The following NKD1 variants were observed in gnomAD, a reference collection of about 807,000 sequenced individuals.
The protein encoded by NKD1 is NKD inhibitor of Wnt signaling pathway 1.
Under a neutral mutation model 56.0 loss-of-function variants are expected in NKD1, and 21 were observed. The observed-to-expected ratio is 0.38, with a 90% CI of 0.27 to 0.54. NKD1 has a LOEUF of 0.54. NKD1 is among the 20% of genes least tolerant of loss of function. The probability of loss-of-function intolerance (pLI) is 0.82; values close to 1 mark genes in which losing one functional copy is unlikely to be tolerated. For synonymous variants in NKD1, 263 were observed against 265.7 expected (o/e 0.99, Z 0.10); for missense variants, 578 against 642.7 (o/e 0.90, Z 1.09).
chr16:50,618,617 A>G (rs1962016255), intron 4 of NKD1, among the ~76,000 whole-genome samples: 1 of 152,202 alleles, frequency 6.6e-6, no homozygotes, highest in Non-Finnish European at 1.5e-5. Flanking sequence ...TGGTTAGGGG[A>G]CAATAAGAGG....
intron 4 of NKD1, among the ~76,000 whole-genome samples, chr16:50,615,322 G>A (rs1449239477): frequency 6.6e-6 from 1 of 152,216 alleles, no homozygotes; most frequent in African/African-American, 2.4e-5. Flanking sequence ...CCTATAGTGT[G>A]ATAGACACTG....
chr16:50,566,502 C>T lies in NKD1; in HGVS notation c.192+16947C>T, dbSNP rs190778275. Among the ~76,000 whole-genome samples, 29 of 152,352 alleles carry T rather than the reference C, an allele frequency of 1.9e-4. No homozygotes were observed. In the East Asian group the frequency reaches 2.9e-3, roughly 15 times the overall value. On this transcript the variant is annotated intron_variant, in intron 3 of 9. Transcript: ENST00000268459. ...CTGTGCCTCTGACAGTCCTGGGTCA[C>T]ATGCCTGTCCTGGAGTGGAGGCTGG...
chr16:50,566,745 G>A (rs1960766923), intron 3 of NKD1, among the ~76,000 whole-genome samples: 1 of 152,200 alleles, frequency 6.6e-6, no homozygotes, highest in Non-Finnish European at 1.5e-5. Context: ...CATTGCCATT[G>A]GATCTTGGAA....
intron 3 of NKD1, chr16:50,574,507 G>T: frequency 1.0e-6 from 1 of 985,448 alleles, no homozygotes; most frequent in Non-Finnish European, 1.2e-6. Context: ...TCCTCCTGCT[G>T]CTGGTGGCCG....
In NKD1 at chr16:50,633,243, C is replaced by G. The variant is rs1783893497; in HGVS notation, c.875C>G (p.Pro292Arg). The G allele has an allele frequency of 6.2e-7, 1 of 1,613,898 alleles. No homozygotes were observed. The highest frequency in any genetic ancestry group is 1.7e-4 in the Middle Eastern group (1 of 6,060). Residue 292 changes from proline (P) to arginine (R), a missense_variant, in exon 10 of 10, where the codon CCC (proline) becomes CGC (arginine). Coordinates refer to ENST00000268459, the MANE Select transcript of NKD1 (RefSeq NM_033119.5). This position sits in a 1 kb window ranked among gnomAD's most constrained non-coding sequence, Gnocchi z 4.9. ...GAACTGCCCCCCCGCACCTCCAATC[C>G]CACTCGATCTCGCTCCCATGAGCCG... ...KSELPPRTSNPTRSRSHEPEA... is the reference protein window; with the variant it reads ...KSELPPRTSNRTRSRSHEPEA...
chr16:50,609,837 G>A (rs2097749380), intron 4 of NKD1, among the ~76,000 whole-genome samples: 1 of 152,210 alleles, frequency 6.6e-6, no homozygotes, highest in Non-Finnish European at 1.5e-5. Flanking sequence ...GGAGTCCCAT[G>A]AACAGAAAGC....
chr16:50,564,126 C>T (rs1450539177), intron 3 of NKD1, among the ~76,000 whole-genome samples: 2 of 152,268 alleles, frequency 1.3e-5, no homozygotes, highest in African/African-American at 4.8e-5. Context: ...TGTCCAGAGC[C>T]CCCTTCCTTG....
intron 4 of NKD1, among the ~76,000 whole-genome samples, chr16:50,613,292 A>C (rs757695250): frequency 3.3e-5 from 5 of 152,080 alleles, no homozygotes; most frequent in African/African-American, 4.8e-5. Context: ...ACAGAGAGAG[A>C]GAGCGAGTCA....
At chr16:50,567,558 G>A (rs1169288526) in intron 3 of NKD1, among the ~76,000 whole-genome samples, 1 of 152,208 alleles carries the variant, frequency 6.6e-6, no homozygotes, top group Non-Finnish European at 1.5e-5. Context: ...TTTACACTCT[G>A]ATCTCGGGAC....
In NKD1 at chr16:50,548,451, C is replaced by T; in HGVS notation, c.-103C>T. ...CGTCCCGGCGCCGCCTCGGGCTCCG[C>T]TCGGCTCGGGGGCTGCTTCGGGAGG... On this transcript the variant is annotated 5_prime_UTR_variant, in exon 1 of 10. Transcript: ENST00000268459. 2 of 895,042 alleles carry T rather than the reference C, an allele frequency of 2.2e-6. No homozygotes were observed. Among genetic ancestry groups the T allele is most frequent in the Non-Finnish European group, 2.9e-6 (2 of 681,440 alleles). 55.4% of individuals were successfully genotyped at this position (895,042 alleles called of 1,614,324 possible).
chr16:50,549,649 T>C (rs1392514831), intron 3 of NKD1, 94 bp downstream of exon 3: 1 of 1,221,776 alleles, frequency 8.2e-7, no homozygotes, highest in South Asian at 1.6e-5. Context: ...AGCACTTTCC[T>C]GCACAGCTTC....
chr16:50,582,160 A>G (rs1961130602), intron 3 of NKD1, among the ~76,000 whole-genome samples: 1 of 152,124 alleles, frequency 6.6e-6, no homozygotes, highest in Non-Finnish European at 1.5e-5. Context: ...AGGATGTCTC[A>G]CCTAATTAGT....
intron 3 of NKD1, among the ~76,000 whole-genome samples, chr16:50,589,486 G>A (rs1961300982): frequency 6.6e-6 from 1 of 152,138 alleles, no homozygotes. Flanking sequence ...TGGGCAGCTG[G>A]CACTTGCAGC....
intron 3 of NKD1, among the ~76,000 whole-genome samples, chr16:50,552,838 G>A (rs1960419097): frequency 6.6e-6 from 1 of 152,238 alleles, no homozygotes; most frequent in Admixed American, 6.5e-5. Context: ...AAGAATGCTA[G>A]AGGCTCTCTG....
At chr16:50,549,619 A>T in intron 3 of NKD1, 64 bp downstream of exon 3, 1 of 1,424,102 alleles carries the variant, frequency 7.0e-7, no homozygotes, top group Non-Finnish European at 9.4e-7. Flanking sequence ...GGGTCCCCAA[A>T]CCCATGCACC....
At chr16:50,573,832 C>T in intron 3 of NKD1, 1 of 985,354 alleles carries the variant, frequency 1.0e-6, no homozygotes, top group Non-Finnish European at 1.2e-6. Context: ...ACGGGTTGGG[C>T]TGGCCTCAGC....
At chr16:50,605,895 A>G (rs1961695600) in intron 3 of NKD1, among the ~76,000 whole-genome samples, 1 of 152,094 alleles carries the variant, frequency 6.6e-6, no homozygotes, top group African/African-American at 2.4e-5. Context: ...TTTTACAAAT[A>G]AGTAGGCTGA....
rs1342754863 is a variant in NKD1, at chr16:50,598,258, T to TGCGC, written c.193-10035_193-10034insCGCG. 7.2e-6 allele frequency among the ~76,000 whole-genome samples: 1 copy of TGCGC among 139,734 alleles called. No individual in the cohort carries two copies. Among genetic ancestry groups the TGCGC allele is most frequent in the African/African-American group, 2.9e-5 (1 of 33,914 alleles). The allele number at this position is 139,734 out of a possible 152,430, so 91.7% of individuals were successfully genotyped here. A position where few individuals can be genotyped will look rare whatever the true frequency, so the allele number is the denominator to read the frequency against. On this transcript the variant is annotated intron_variant, in intron 3 of 9. Transcript: ENST00000268459. This position sits in a 1 kb window ranked among gnomAD's most constrained non-coding sequence, Gnocchi z 4.2. ...GTGTGTGTGTGTGTGTGTGTGTGTG[T>TGCGC]GTGTGCGCGCACACCTGTGCTCATG...
In NKD1 at chr16:50,581,232, G is replaced by C. The variant is rs55700996; in HGVS notation, c.193-27062G>C. 5.6e-3 allele frequency among the ~76,000 whole-genome samples: 849 copies of C among 152,254 alleles called. 4 individuals carry two copies. The highest frequency in any genetic ancestry group is 0.019 in the African/African-American group (799 of 41,548). On this transcript the variant is annotated intron_variant, in intron 3 of 9. Coordinates refer to ENST00000268459, the MANE Select transcript of NKD1 (RefSeq NM_033119.5). The stretch of plus-strand genomic sequence containing the variant: ...GATTCTGGGGAAAAAAAGATTCTTT[G>C]CAAAATTAGTGTTGTGAAACAATTG...
Sources: gnomAD v4.1 joint callset for allele counts (sites outside exome capture counted in the v4.1 genomes callset) on GRCh38, gnomAD v4.1.1 for gene constraint, Gnocchi (gnomAD v3.1) non-coding constraint, MANE v1.5 for transcripts, NCBI Gene and HGNC (gene_info 2026-07-23, HGNC 2026-07-21) for gene names.